The following CEP126 variants were observed in gnomAD, a reference collection of about 807,000 sequenced individuals.
The protein encoded by CEP126 is centrosomal protein 126.
CEP126 carries 74 observed loss-of-function variants against 107.8 expected under a neutral mutation model. The observed-to-expected ratio is 0.69, with a 90% CI of 0.57 to 0.83. The LOEUF is 0.83. CEP126 is among the 40% of genes least tolerant of loss of function. The pLI is 0.00. For synonymous variants in CEP126, 449 were observed against 446.0 expected (o/e 1.01, Z -0.08); for missense variants, 1,237 against 1,281.9 (o/e 0.96, Z 0.53).
intron 6 of CEP126, among the ~76,000 whole-genome samples, chr11:101,965,917 A>G (rs1399731501): frequency 6.6e-6 from 1 of 152,162 alleles, no homozygotes; most frequent in African/African-American, 2.4e-5. Context: ...GATAAAGCAA[A>G]TATCATATAT....
intron 6 of CEP126, among the ~76,000 whole-genome samples, chr11:101,964,406 G>A (rs1941034470): frequency 6.6e-6 from 1 of 152,014 alleles, no homozygotes; most frequent in Non-Finnish European, 1.5e-5. Flanking sequence ...GCCAAGGCAC[G>A]CGGATTTACT....
At chr11:101,953,598 A>G (rs937894656) in intron 4 of CEP126, among the ~76,000 whole-genome samples, 10 of 152,194 alleles carry the variant, frequency 6.6e-5, no homozygotes, top group Non-Finnish European at 1.3e-4. Context: ...AAGAAAATAA[A>G]TGGGAAATGT....
At chr11:101,916,129 A>G (rs1940206714) in intron 1 of CEP126, 1 of 152,234 alleles carries the variant, frequency 6.6e-6, no homozygotes, top group African/African-American at 2.4e-5. Context: ...GATGATTAGG[A>G]TTTAACCTTT....
At chr11:101,987,164 G>A in intron 9 of CEP126, 123 bp downstream of exon 9, 1 of 646,698 alleles carries the variant, frequency 1.5e-6, no homozygotes, top group Non-Finnish European at 2.7e-6. Context: ...CCAACTACCT[G>A]AGTGCATAAC....
At chr11:101,930,639 A>C (rs975455070) in intron 2 of CEP126, among the ~76,000 whole-genome samples, 1 of 152,172 alleles carries the variant, frequency 6.6e-6, no homozygotes, top group African/African-American at 2.4e-5. Flanking sequence ...GGCCCTGCCC[A>C]TGTCCTGCTG....
At position 101,986,474 on chromosome 11, in the gene CEP126, A is replaced by G. The variant is rs184127929; in HGVS notation, c.3035-358A>G. On this transcript the variant is annotated intron_variant, in intron 8 of 10. Transcript: ENST00000263468. ...TGGTCTTACTTTGTTATAATTCATTATAACTACTATTATAAAGACAGTCTT... is the reference window on the plus strand; with the variant it reads ...TGGTCTTACTTTGTTATAATTCATTGTAACTACTATTATAAAGACAGTCTT... Among the ~76,000 whole-genome samples the G allele has an allele frequency of 7.0e-4, 106 of 152,312 alleles. No homozygotes were observed. The Middle Eastern group carries it at 0.014, about 20-fold the overall frequency.
rs1491167740 is a variant in CEP126 at position 101,938,159 on chromosome 11, C to CAAA, written c.249-6091_249-6089dup. Among the ~76,000 whole-genome samples the CAAA allele has an allele frequency of 5.3e-3, 208 of 39,238 alleles. 27 individuals are homozygous for CAAA. The highest frequency in any genetic ancestry group is 6.1e-3 in the Non-Finnish European group (115 of 18,750). 25.7% of individuals were successfully genotyped at this position (39,238 alleles called of 152,430 possible). A position where few individuals can be genotyped will look rare whatever the true frequency, so the allele number is the denominator to read the frequency against. ...TGGGCGACAGAGCGAGACTCTGTCT[C>CAAA]AAAAAAAAAAAAAAAAATACAAGAA... On this transcript the variant is annotated intron_variant, in intron 2 of 10. Transcript: ENST00000263468.
At chr11:101,970,767 A>G (rs2137118872) in intron 6 of CEP126, among the ~76,000 whole-genome samples, 1 of 152,320 alleles carries the variant, frequency 6.6e-6, no homozygotes, top group South Asian at 2.1e-4. Context: ...TGTTCCAATC[A>G]CTATTTAAGC....
In CEP126 at chr11:101,922,628, A is replaced by T. The variant is rs770905807; in HGVS notation, c.129-13A>T. The T allele has an allele frequency of 1.3e-6, 2 of 1,595,222 alleles. No homozygotes were observed. ...GATGTAGACCATTGTTCTTAACTTAATGCTATCATTAGAGATATGAAAATC... is the reference window on the plus strand; with the variant it reads ...GATGTAGACCATTGTTCTTAACTTATTGCTATCATTAGAGATATGAAAATC... On this transcript the variant is annotated splice_polypyrimidine_tract_variant and intron_variant, in intron 1 of 10. Coordinates refer to ENST00000263468, the MANE Select transcript of CEP126 (RefSeq NM_020802.4).
In CEP126 at chr11:101,986,979, C is replaced by T; in HGVS notation, c.3182C>T (p.Thr1061Ile). ...LNKTQQFNIC[T>I]LSAEEQKILE... ...AAAACTCAACAATTCAACATCTGCA[C>T]ACTGTCAGCTGAAGAACAGAAGATC... Residue 1061 changes from threonine (T) to isoleucine (I), a missense_variant, in exon 9 of 11, where the codon ACA becomes ATA. By Grantham distance (89) the Thr-to-Ile change is moderately conservative. Transcript: ENST00000263468. 6.2e-7 allele frequency: 1 copy of T among 1,613,710 alleles called. No individual in the cohort carries two copies.
intron 2 of CEP126, among the ~76,000 whole-genome samples, chr11:101,923,078 T>G (rs956798780): frequency 6.6e-6 from 1 of 152,226 alleles, no homozygotes; most frequent in African/African-American, 2.4e-5. Flanking sequence ...GATTTCATGA[T>G]GATTTTAAAA....
intron 1 of CEP126, among the ~76,000 whole-genome samples, chr11:101,919,534 C>T (rs1247667034): frequency 6.6e-6 from 1 of 151,608 alleles, no homozygotes; most frequent in Non-Finnish European, 1.5e-5. Context: ...TACCATACAG[C>T]TTGTATAAAA....
At position 101,938,174 on chromosome 11, in the gene CEP126, A is replaced by C. The variant is rs1220856523; in HGVS notation, c.249-6091A>C. On this transcript the variant is annotated intron_variant, in intron 2 of 10. Transcript: ENST00000263468. ...GACTCTGTCTCAAAAAAAAAAAAAA[A>C]AATACAAGAAATTGGTCCATTTTAC... Among the ~76,000 whole-genome samples the C allele has an allele frequency of 4.8e-5, 7 of 144,854 alleles. 2 individuals carry two copies. Among genetic ancestry groups the C allele is most frequent in the African/African-American group, 1.3e-4 (5 of 39,596 alleles).
intron 8 of CEP126, among the ~76,000 whole-genome samples, chr11:101,985,123 A>G (rs1163783314): frequency 6.6e-6 from 1 of 152,176 alleles, no homozygotes; most frequent in Non-Finnish European, 1.5e-5. Flanking sequence ...AGTGATACCA[A>G]ACAACCACAG....
chr11:101,947,782 C>T (rs1431418378), intron 3 of CEP126, among the ~76,000 whole-genome samples: 2 of 151,990 alleles, frequency 1.3e-5, no homozygotes, highest in Non-Finnish European at 2.9e-5. Context: ...GAATGAAGAG[C>T]CCAGACATTT....
intron 8 of CEP126, among the ~76,000 whole-genome samples, chr11:101,983,105 T>TTTTTGC (rs1941276248): frequency 6.6e-6 from 1 of 152,222 alleles, no homozygotes; most frequent in Admixed American, 6.5e-5. Flanking sequence ...TCACTGTATT[T>TTTTTGC]TTTTGCTTTT....
intron 6 of CEP126, among the ~76,000 whole-genome samples, chr11:101,967,421 A>T (rs899056443): frequency 6.6e-6 from 1 of 152,150 alleles, no homozygotes; most frequent in African/African-American, 2.4e-5. Context: ...GGGGGAAAAA[A>T]TTATTTGCTT....
At chr11:101,934,570 A>G (rs140762810) in intron 2 of CEP126, among the ~76,000 whole-genome samples, 17 of 152,076 alleles carry the variant, frequency 1.1e-4, no homozygotes, top group Non-Finnish European at 2.2e-4. Flanking sequence ...CACACTCCAT[A>G]GTCTATCATT....
intron 2 of CEP126, among the ~76,000 whole-genome samples, chr11:101,940,748 G>C (rs1342171343): frequency 6.6e-6 from 1 of 152,192 alleles, no homozygotes; most frequent in East Asian, 1.9e-4. Context: ...GCTAGCTTGG[G>C]CTTCTTTTCA....
Sources: gnomAD v4.1 joint callset for allele counts (sites outside exome capture counted in the v4.1 genomes callset) on GRCh38, gnomAD v4.1.1 for gene constraint, MANE v1.5 for transcripts, NCBI Gene and HGNC (gene_info 2026-07-23, HGNC 2026-07-21) for gene names.